LRRFIP1: variants seen among roughly 807,000 people sequenced by gnomAD.
LRRFIP1 encodes leucine-rich repeat flightless-interacting protein 1.
Under a neutral mutation model 104.4 loss-of-function variants are expected in LRRFIP1, and 62 were observed. That is an observed-to-expected ratio of 0.59 (90% CI 0.48 to 0.73). LRRFIP1 has a LOEUF of 0.73. LRRFIP1 is among the 30% of genes least tolerant of loss of function. The probability of loss-of-function intolerance (pLI) is 0.00; values close to 1 mark genes in which losing one functional copy is unlikely to be tolerated. For missense variants in LRRFIP1, 796 were observed against 824.5 expected (o/e 0.97, Z 0.42); for synonymous variants, 300 against 299.0 (o/e 1.00, Z -0.03).
At chr2:237,647,761 A>G (rs80315294) in intron 1 of LRRFIP1, among the ~76,000 whole-genome samples, 17,044 of 63,948 alleles carry the variant, frequency 0.27, 1,929 homozygotes, top group Non-Finnish European at 0.31. Flanking sequence ...ACGCCCTGTC[A>G]CCCCGTGGCC....
Position 237,775,817 on chromosome 2 carries a change from C to T in LRRFIP1, c.1812+1355C>T, listed in dbSNP as rs534513279. 4.0e-5 allele frequency among the ~76,000 whole-genome samples: 6 copies of T among 151,588 alleles called. No individual in the cohort carries two copies. The East Asian group carries it at 7.7e-4, about 20-fold the overall frequency. Reference sequence around the variant, plus strand: ...CGTGCCACTGCACTCCAGCATGGGGCGACAGAGTGAGACCGTTTTTCATTA... The same window carrying T: ...CGTGCCACTGCACTCCAGCATGGGGTGACAGAGTGAGACCGTTTTTCATTA... On this transcript the variant is annotated intron_variant, in intron 23 of 23. Transcript: ENST00000308482.
At chr2:237,723,804 C>T (rs1200934199) in intron 7 of LRRFIP1, among the ~76,000 whole-genome samples, 1 of 152,262 alleles carries the variant, frequency 6.6e-6, no homozygotes, top group Non-Finnish European at 1.5e-5. Context: ...GGAGCCCAGG[C>T]ATCTGTGCAT....
At chr2:237,667,800 C>A (rs747670224) in intron 1 of LRRFIP1, among the ~76,000 whole-genome samples, 1 of 151,116 alleles carries the variant, frequency 6.6e-6, no homozygotes, top group Admixed American at 6.6e-5. Flanking sequence ...GTTGTGTTCC[C>A]GGCACAGGAC....
intron 1 of LRRFIP1, among the ~76,000 whole-genome samples, chr2:237,684,937 A>G (rs2092221350): frequency 1.3e-5 from 2 of 151,260 alleles, no homozygotes; most frequent in African/African-American, 4.9e-5. Context: ...AAAAAAAAAA[A>G]TTAGCCAGGC....
intron 1 of LRRFIP1, among the ~76,000 whole-genome samples, chr2:237,688,456 CTTTTTT>C (rs67002704): frequency 2.2e-5 from 2 of 90,160 alleles, no homozygotes; most frequent in Non-Finnish European, 4.6e-5. Flanking sequence ...TTTTTTTTTT[CTTTTTT>C]TTTTTTTTTT....
At chr2:237,770,273 A>T in intron 20 of LRRFIP1, 1 of 358,850 alleles carries the variant, frequency 2.8e-6, no homozygotes. Context: ...TGCTGCTTAA[A>T]ATAAATATAA....
Position 237,661,414 on chromosome 2 carries a change from A to T in LRRFIP1, c.96+33674A>T, listed in dbSNP as rs1426228933. Among the ~76,000 whole-genome samples the T allele has an allele frequency of 6.6e-6, 1 of 152,164 alleles. No individual in the cohort carries two copies. The highest frequency in any genetic ancestry group is 6.5e-5 in the Admixed American group (1 of 15,282). Reference sequence around the variant, plus strand: ...CACAAGCCCTCTGATGCTCCCAGACAGTGGAAACTTTTTGTTCCCCAAAGC... The same window carrying T: ...CACAAGCCCTCTGATGCTCCCAGACTGTGGAAACTTTTTGTTCCCCAAAGC... On this transcript the variant is annotated intron_variant, in intron 1 of 23. Coordinates refer to ENST00000308482, the MANE Select transcript of LRRFIP1 (RefSeq NM_001137550.2). This position sits in a 1 kb window ranked among gnomAD's most constrained non-coding sequence, Gnocchi z 4.4.
chr2:237,678,210 C>A (rs1315313845), intron 1 of LRRFIP1, among the ~76,000 whole-genome samples: 1 of 152,134 alleles, frequency 6.6e-6, no homozygotes, highest in Non-Finnish European at 1.5e-5. Context: ...AAAAAAATAA[C>A]CAGCGCAAAG....
intron 7 of LRRFIP1, 94 bp from the exon 8 acceptor site, chr2:237,727,782 C>CA: frequency 1.2e-6 from 1 of 853,244 alleles, no homozygotes; most frequent in Non-Finnish European, 1.9e-6. Context: ...CAAGAAAGGT[C>CA]ACCTTATACC....
intron 1 of LRRFIP1, among the ~76,000 whole-genome samples, chr2:237,670,552 C>T (rs1347042733): frequency 6.6e-6 from 1 of 152,242 alleles, no homozygotes; most frequent in East Asian, 1.9e-4. Context: ...CACATTGGTG[C>T]TGTGCAGATG....
Position 237,748,414 on chromosome 2 carries a change from A to G in LRRFIP1, c.669+15A>G, listed in dbSNP as rs992140780. The G allele has an allele frequency of 3.8e-6, 6 of 1,598,262 alleles. No individual in the cohort carries two copies. The highest frequency in any genetic ancestry group is 1.8e-5 in the Admixed American group (1 of 54,852). On this transcript the variant is annotated intron_variant, in intron 12 of 23. Coordinates refer to ENST00000308482, the MANE Select transcript of LRRFIP1 (RefSeq NM_001137550.2). ...TTACTGAGAAGGTAAGGAATCGTTC[A>G]TAAACCTAGAGGGTCCCAAAAGTTG... is the stretch of plus-strand genomic sequence containing the variant.
intron 1 of LRRFIP1, among the ~76,000 whole-genome samples, chr2:237,655,102 CTTTTTTTTTTTTTT>C (rs1170742860): frequency 1.7e-5 from 1 of 58,244 alleles, no homozygotes; most frequent in Non-Finnish European, 3.4e-5. Flanking sequence ...GATCTCACTT[CTTTTTTTTTTTTTT>C]TTTTTTTTTT....
chr2:237,720,270 T>C (rs11889535), intron 5 of LRRFIP1, among the ~76,000 whole-genome samples: 46,537 of 150,334 alleles, frequency 0.31, 8,135 homozygotes, highest in African/African-American at 0.48. Flanking sequence ...TTTTTTGAGA[T>C]GGTGTCTTGC....
chr2:237,687,392 G>A (rs1364477493), intron 1 of LRRFIP1, among the ~76,000 whole-genome samples: 1 of 151,994 alleles, frequency 6.6e-6, no homozygotes, highest in Non-Finnish European at 1.5e-5. Context: ...TTCACTTGAG[G>A]TCAGGAGTTC....
intron 1 of LRRFIP1, among the ~76,000 whole-genome samples, chr2:237,629,467 CTTT>C (rs745503726): frequency 0.16 from 18,730 of 117,450 alleles, 1,518 homozygotes; most frequent in Non-Finnish European, 0.21. Context: ...TTTCTTTCTT[CTTT>C]TTTTTTTTTT....
chr2:237,750,278 C>CCTTG (rs958034921), intron 13 of LRRFIP1, among the ~76,000 whole-genome samples: 3 of 151,300 alleles, frequency 2.0e-5, no homozygotes, highest in African/African-American at 7.3e-5. Flanking sequence ...ACCTGCAGCT[C>CCTTG]CTTGTTGCTT....
chr2:237,779,343 G>A, intron 23 of LRRFIP1, 79 bp from the exon 24 acceptor site: 1 of 1,520,090 alleles, frequency 6.6e-7, no homozygotes, highest in Non-Finnish European at 8.8e-7. Context: ...AGTAGGATTG[G>A]AATTTCGGTA....
intron 1 of LRRFIP1, among the ~76,000 whole-genome samples, chr2:237,634,572 G>T (rs1329179553): frequency 6.6e-6 from 1 of 152,222 alleles, no homozygotes; most frequent in Non-Finnish European, 1.5e-5. Flanking sequence ...GGGCAGTTAT[G>T]AGGGTAAATG....
chr2:237,765,473 TA>T, intron 19 of LRRFIP1: 1 of 804,212 alleles, frequency 1.2e-6, no homozygotes, highest in Non-Finnish European at 1.5e-6. Context: ...TTTTGAACCT[TA>T]AAATACTTTG....
Sources: gnomAD v4.1 joint callset for allele counts (sites outside exome capture counted in the v4.1 genomes callset) on GRCh38, gnomAD v4.1.1 for gene constraint, Gnocchi (gnomAD v3.1) non-coding constraint, MANE v1.5 for transcripts, NCBI Gene and HGNC (gene_info 2026-07-23, HGNC 2026-07-21) for gene names.